STXBP4: variants seen among roughly 807,000 people sequenced by gnomAD.
STXBP4 encodes syntaxin binding protein 4.
In STXBP4, 55 loss-of-function variants were observed where a neutral mutation model predicts 76.1. The ratio of observed to expected loss-of-function variants is 0.72; its 90% confidence interval spans 0.58 to 0.91. The LOEUF is 0.91. Among genes scored for constraint, STXBP4 ranks in the 40% least tolerant of loss-of-function variants. STXBP4 has a pLI of 0.00. For synonymous variants in STXBP4, 201 were observed against 220.2 expected (o/e 0.91, Z 0.77); for missense variants, 618 against 636.9 (o/e 0.97, Z 0.32).
intron 11 of STXBP4, among the ~76,000 whole-genome samples, chr17:55,046,546 T>G (rs1338757550): frequency 6.6e-6 from 1 of 151,914 alleles, no homozygotes; most frequent in Non-Finnish European, 1.5e-5. Flanking sequence ...CTTGACTTAA[T>G]TTCAAATCCA....
chr17:55,157,821 T>C (rs2628314), intron 17 of STXBP4, among the ~76,000 whole-genome samples: 92,368 of 151,984 alleles, frequency 0.61, 28,473 homozygotes, highest in African/African-American at 0.68. Context: ...ACATTTTCAG[T>C]ATTGTAATCA....
rs2080355366 is a variant in STXBP4 at position 55,163,523 on chromosome 17, T to C, written c.*3612T>C. On this transcript the variant is annotated 3_prime_UTR_variant, in exon 18 of 18. Coordinates refer to ENST00000376352, the MANE Select transcript of STXBP4 (RefSeq NM_178509.6). The stretch of plus-strand genomic sequence containing the variant: ...AGTTCTTTGGGCCTCACTTTCCCTA[T>C]CTGAATAATAAGGATAGTAATCCCT... The C allele has an allele frequency of 2.0e-5, 3 of 152,180 alleles. No individual in the cohort carries two copies. The highest frequency in any genetic ancestry group is 6.5e-5 in the Admixed American group (1 of 15,272). 9.4% of individuals were successfully genotyped at this position (152,180 alleles called of 1,614,324 possible). A position where few individuals can be genotyped will look rare whatever the true frequency, so the allele number is the denominator to read the frequency against.
intron 16 of STXBP4, among the ~76,000 whole-genome samples, chr17:55,135,469 A>T (rs925613062): frequency 6.6e-6 from 1 of 152,112 alleles, no homozygotes; most frequent in Non-Finnish European, 1.5e-5. Context: ...TTGCAAGACC[A>T]ATATTAAGGA....
chr17:55,149,400 G>GTTA (rs2080190836), intron 17 of STXBP4, among the ~76,000 whole-genome samples: 1 of 152,174 alleles, frequency 6.6e-6, no homozygotes, highest in Non-Finnish European at 1.5e-5. Flanking sequence ...TTTTAAGTGT[G>GTTA]ACCTTGGTAG....
chr17:55,004,633 C>T (rs1269949373), intron 7 of STXBP4, among the ~76,000 whole-genome samples: 7 of 150,044 alleles, frequency 4.7e-5, no homozygotes, highest in Admixed American at 4.0e-4. Flanking sequence ...CCCAGGAGGT[C>T]GAGGTTGCAG....
chr17:55,017,244 C>T (rs1193428035), intron 8 of STXBP4, among the ~76,000 whole-genome samples: 1 of 152,114 alleles, frequency 6.6e-6, no homozygotes, highest in East Asian at 1.9e-4. Flanking sequence ...CTGTTTCTCT[C>T]CTCTCTGCCT....
At chr17:54,977,866 C>T in intron 1 of STXBP4, among the ~76,000 whole-genome samples, 1 of 152,130 alleles carries the variant, frequency 6.6e-6, no homozygotes, top group South Asian at 2.1e-4. Flanking sequence ...TTAATATTAG[C>T]TTTAGTGAAT....
Position 55,168,245 on chromosome 17 carries a change from AC to A in STXBP4, c.*8336del, listed in dbSNP as rs1376750091. ...TATATATATCTGTGTGTATATACAC[AC>A]CACACACACACACACACACACGTAT... On this transcript the variant is annotated 3_prime_UTR_variant, in exon 18 of 18. Transcript: ENST00000376352. 3.6e-4 allele frequency: 17 copies of A among 47,016 alleles called. No homozygotes were observed. Among genetic ancestry groups the A allele is most frequent in the African/African-American group, 1.8e-3 (14 of 7,800 alleles). 2.9% of individuals were successfully genotyped at this position (47,016 alleles called of 1,614,324 possible).
intron 8 of STXBP4, among the ~76,000 whole-genome samples, chr17:55,025,884 T>C (rs181845013): frequency 6.6e-6 from 1 of 152,216 alleles, no homozygotes; most frequent in Admixed American, 6.5e-5. Context: ...ATATAAGAAA[T>C]CCTAAGGAAT....
chr17:55,018,562 A>G (rs2078249955), intron 8 of STXBP4, among the ~76,000 whole-genome samples: 1 of 152,228 alleles, frequency 6.6e-6, no homozygotes, highest in Non-Finnish European at 1.5e-5. Context: ...GAGACCACCA[A>G]AGAGGCTTTG....
Position 55,077,948 on chromosome 17 carries a change from A to G in STXBP4, c.1189-130A>G, listed in dbSNP as rs1479603288. On this transcript the variant is annotated intron_variant, in intron 13 of 17. Transcript: ENST00000376352. ...GTTAGTTACATGCCCCCCAAAATCA[A>G]AACATATGTACAGTAAGAGAAAAAG... 5.5e-6 allele frequency: 3 copies of G among 542,526 alleles called. No homozygotes were observed. In the Admixed American group the frequency reaches 9.6e-5, roughly 17 times the overall value. 33.6% of individuals were successfully genotyped at this position (542,526 alleles called of 1,614,324 possible). A position where few individuals can be genotyped will look rare whatever the true frequency, so the allele number is the denominator to read the frequency against.
At chr17:55,212,490 G>A in the STXBP4 span, among the ~76,000 whole-genome samples, 39 of 152,146 alleles carry the variant, frequency 2.6e-4, no homozygotes, top group African/African-American at 5.8e-4. Flanking sequence ...GGTTATTATC[G>A]TAATTATTGT....
At chr17:55,052,276 G>A (rs934123177) in intron 12 of STXBP4, among the ~76,000 whole-genome samples, 3 of 152,164 alleles carry the variant, frequency 2.0e-5, no homozygotes, top group Non-Finnish European at 4.4e-5. Context: ...CAAAATGACA[G>A]GGGCATATCA....
intron 17 of STXBP4, among the ~76,000 whole-genome samples, chr17:55,147,911 G>A (rs567337882): frequency 8.5e-5 from 13 of 152,326 alleles, no homozygotes; most frequent in South Asian, 2.1e-4. Context: ...GAAGTGGTGT[G>A]TAGGACACAT....
At chr17:55,140,043 A>G (rs2080077724) in intron 16 of STXBP4, among the ~76,000 whole-genome samples, 1 of 152,096 alleles carries the variant, frequency 6.6e-6, no homozygotes, top group Non-Finnish European at 1.5e-5. Context: ...GTGGCTCACA[A>G]CAATAATTCT....
the STXBP4 span, among the ~76,000 whole-genome samples, chr17:55,191,271 A>C: frequency 1.3e-5 from 2 of 152,136 alleles, no homozygotes; most frequent in African/African-American, 2.4e-5. Flanking sequence ...AGGGCTTCTC[A>C]AACTACAATG....
At chr17:55,044,546 C>T (rs59623427) in intron 11 of STXBP4, 78,046 of 151,708 alleles carry the variant, frequency 0.51, 20,282 homozygotes, top group South Asian at 0.63. Context: ...CACCTTTAAT[C>T]GCAGTACTTT....
downstream of STXBP4, among the ~76,000 whole-genome samples, chr17:55,175,383 A>C (rs1010311987): frequency 6.6e-6 from 1 of 152,242 alleles, no homozygotes; most frequent in South Asian, 2.1e-4. Flanking sequence ...CTATGTCTGT[A>C]TAATAAGGCA....
intron 8 of STXBP4, among the ~76,000 whole-genome samples, chr17:55,015,903 A>T (rs909407554): frequency 1.3e-5 from 2 of 151,996 alleles, no homozygotes; most frequent in Admixed American, 1.3e-4. Flanking sequence ...TACAAAAGAG[A>T]TCTAGCTGTA....
Sources: gnomAD v4.1 joint callset for allele counts (sites outside exome capture counted in the v4.1 genomes callset) on GRCh38, gnomAD v4.1.1 for gene constraint, MANE v1.5 for transcripts, NCBI Gene and HGNC (gene_info 2026-07-23, HGNC 2026-07-21) for gene names.